Variants in SF3A1 observed in about 807,000 individuals in gnomAD.
The protein encoded by SF3A1 is SAP 114.
SF3A1 carries 13 observed loss-of-function variants against 89.9 expected under a neutral mutation model. That is an observed-to-expected ratio of 0.14 (90% CI 0.09 to 0.23). The LOEUF (loss-of-function observed/expected upper bound fraction) is 0.23, where lower values mean the gene tolerates loss of function less well. Among genes scored for constraint, SF3A1 ranks in the 10% least tolerant of loss-of-function variants. The probability of loss-of-function intolerance (pLI) is 1.00; values close to 1 mark genes in which losing one functional copy is unlikely to be tolerated. For missense variants in SF3A1, 604 were observed against 1,022.1 expected (o/e 0.59, Z 5.58); for synonymous variants, 405 against 374.4 (o/e 1.08, Z -0.94).
At chr22:30,342,108 G>C (rs1451076157) in intron 6 of SF3A1, 92 bp downstream of exon 6, 1 of 1,460,034 alleles carries the variant, frequency 6.8e-7, no homozygotes, top group African/African-American at 1.4e-5. Flanking sequence ...CCCTCTGAGA[G>C]ATTCTACTGC....
At position 30,356,802 on chromosome 22, in the gene SF3A1, G is replaced by C; in HGVS notation, c.-10C>G. ...CGGGTCCGGCCGGCATGACTGCGACGCTCAGGGCTGCCAGTCCGCCTCGGT... is the reference window on the plus strand; with the variant it reads ...CGGGTCCGGCCGGCATGACTGCGACCCTCAGGGCTGCCAGTCCGCCTCGGT... On this transcript the variant is annotated 5_prime_UTR_variant, in exon 1 of 16. Transcript: ENST00000215793. 2 of 1,375,526 alleles carry C rather than the reference G, an allele frequency of 1.5e-6. No individual in the cohort carries two copies. Among genetic ancestry groups the C allele is most frequent in the Non-Finnish European group, 1.9e-6 (2 of 1,054,934 alleles). 85.2% of individuals were successfully genotyped at this position (1,375,526 alleles called of 1,614,324 possible).
rs766831121 is a variant in SF3A1 at position 30,337,106 on chromosome 22, T to C, written c.2026A>G (p.Met676Val). Reference protein sequence around the residue: ...PMPPVHPPPPMEDEPTSKKLK... With the variant: ...PMPPVHPPPPVEDEPTSKKLK... ...TTTTTGGAGGTGGGCTCATCTTCCA[T>C]GGGAGGTGGGGGATGCACAGGGGGC... The change falls in exon 13 of 16, where the codon ATG becomes GTG. Residue 676 changes from methionine (M) to valine (V), a missense_variant. This residue lies in a region of SF3A1 where 45 missense variants were observed against 41.1 expected (regional missense o/e 1.09). Coordinates refer to ENST00000215793, the MANE Select transcript of SF3A1 (RefSeq NM_005877.6). 6 of 1,613,658 alleles carry C rather than the reference T, an allele frequency of 3.7e-6. No homozygotes were observed. The highest frequency in any genetic ancestry group is 1.1e-5 in the South Asian group (1 of 91,078).
In SF3A1 at chr22:30,346,333, G is replaced by A. The variant is rs955005582; in HGVS notation, c.372C>T (p.Thr124=). 1.2e-6 allele frequency: 2 copies of A among 1,612,830 alleles called. No homozygotes were observed. Among genetic ancestry groups the A allele is most frequent in the Non-Finnish European group, 1.7e-6 (2 of 1,178,882 alleles). The change falls in exon 3 of 16, where the codon ACC becomes ACT. Residue 124 remains threonine, a synonymous_variant. Coordinates refer to ENST00000215793, the MANE Select transcript of SF3A1 (RefSeq NM_005877.6). ...AAACCTTCTGGGGCAGCTGCTGCTGGGTGGTCTGCTGCTGCTGCTGCATGA... is the reference window on the plus strand; with the variant it reads ...AAACCTTCTGGGGCAGCTGCTGCTGAGTGGTCTGCTGCTGCTGCTGCATGA... ...PKVMQQQQQT[T]QQQLPQKVQA...
At chr22:30,350,214 T>C (rs1021209591) in intron 2 of SF3A1, among the ~76,000 whole-genome samples, 1 of 151,740 alleles carries the variant, frequency 6.6e-6, no homozygotes, top group African/African-American at 2.4e-5. Context: ...CCCAGCCACC[T>C]TGTGGTGGCT....
chr22:30,332,401 C>T lies in SF3A1; in HGVS notation c.*2193G>A, dbSNP rs553725300. On this transcript the variant is annotated 3_prime_UTR_variant, in exon 16 of 16. Coordinates refer to ENST00000215793, the MANE Select transcript of SF3A1 (RefSeq NM_005877.6). ...TTTCCCAGCAGTCCTGCAACAGGAG[C>T]ACTTATTCCTATTTCATAGTGTGGT... is the stretch of plus-strand genomic sequence containing the variant. The T allele has an allele frequency of 1.3e-5, 2 of 152,338 alleles. No homozygotes were observed. The highest frequency in any genetic ancestry group is 4.1e-4 in the South Asian group (2 of 4,826). The allele number at this position is 152,338 out of a possible 1,614,324, so 9.4% of individuals were successfully genotyped here.
chr22:30,337,855 C>T lies in SF3A1; in HGVS notation c.1786G>A (p.Val596Ile), dbSNP rs1931121391. The T allele has an allele frequency of 1.2e-6, 2 of 1,608,670 alleles. No homozygotes were observed. The highest frequency in any genetic ancestry group is 1.7e-6 in the Non-Finnish European group (2 of 1,178,456). Residue 596 changes from valine to isoleucine, a missense_variant, in exon 12 of 16, where the codon GTC becomes ATC. Val to Ile is a conservative substitution (Grantham distance 29). Coordinates refer to ENST00000215793, the MANE Select transcript of SF3A1 (RefSeq NM_005877.6). ...GATGCCATTGGGGGCCGGGGCATGA[C>T]GGGTACTGCGGAGACAACTGTAGTA... ...VRTTVVSAVP[V>I]MPRPPMASVV...
At chr22:30,339,315 A>T in intron 9 of SF3A1, 64 bp from the exon 10 acceptor site, 1 of 1,598,144 alleles carries the variant, frequency 6.3e-7, no homozygotes, top group Middle Eastern at 1.8e-4. Flanking sequence ...TCCTGACAAG[A>T]GAGCAGCTTT....
In SF3A1 at chr22:30,356,853, C is replaced by A; in HGVS notation, c.-61G>T. On this transcript the variant is annotated 5_prime_UTR_variant, in exon 1 of 16. Transcript: ENST00000215793. ...GTCGGTGAGCGGTGCCGCCTCAAGA[C>A]AGCCTCCCCGCTCGGTCAGTACGAC... The A allele has an allele frequency of 7.9e-7, 1 of 1,257,918 alleles. No homozygotes were observed. The highest frequency in any genetic ancestry group is 2.7e-4 in the Middle Eastern group (1 of 3,692). 77.9% of individuals were successfully genotyped at this position (1,257,918 alleles called of 1,614,324 possible).
chr22:30,335,674 A>G lies in SF3A1; in HGVS notation c.2186T>C (p.Phe729Ser). 6.2e-7 allele frequency: 1 copy of G among 1,614,184 alleles called. No individual in the cohort carries two copies. Among genetic ancestry groups the G allele is most frequent in the Non-Finnish European group, 8.5e-7 (1 of 1,180,018 alleles). Reference sequence around the variant, plus strand: ...TACCTGGTCCGTGAGTGGGAGGGTGAAGACCAGCACCTGCCCATTCAGTTT... The same window carrying G: ...TACCTGGTCCGTGAGTGGGAGGGTGGAGACCAGCACCTGCCCATTCAGTTT... ...EWKLNGQVLV[F>S]TLPLTDQVSV... The change falls in exon 14 of 16, where the codon TTC (phenylalanine) becomes TCC (serine). Residue 729 changes from phenylalanine to serine, a missense_variant. By Grantham distance (155) the Phe-to-Ser change is radical. This residue lies in a region of SF3A1 where 74 missense variants were observed against 141.3 expected (regional missense o/e 0.52). Coordinates refer to ENST00000215793, the MANE Select transcript of SF3A1 (RefSeq NM_005877.6).
Position 30,332,268 on chromosome 22 carries a change from T to G in SF3A1, c.*2326A>C, listed in dbSNP as rs1374266952. Reference sequence around the variant, plus strand: ...CCTCTAAGAGTACATGACAAGTACTTAAGTAGTGGGTAGAACTGAAAGTGA... The same window carrying G: ...CCTCTAAGAGTACATGACAAGTACTGAAGTAGTGGGTAGAACTGAAAGTGA... On this transcript the variant is annotated 3_prime_UTR_variant, in exon 16 of 16. Coordinates refer to ENST00000215793, the MANE Select transcript of SF3A1 (RefSeq NM_005877.6). 1 of 152,216 alleles carries G rather than the reference T, an allele frequency of 6.6e-6. No homozygotes were observed. Among genetic ancestry groups the G allele is most frequent in the Non-Finnish European group, 1.5e-5 (1 of 68,044 alleles). 9.4% of individuals were successfully genotyped at this position (152,216 alleles called of 1,614,324 possible). A position where few individuals can be genotyped will look rare whatever the true frequency, so the allele number is the denominator to read the frequency against.
chr22:30,355,491 T>C (rs1445157461), intron 1 of SF3A1, among the ~76,000 whole-genome samples: 2 of 152,188 alleles, frequency 1.3e-5, no homozygotes, highest in African/African-American at 4.8e-5. Flanking sequence ...CCTCCCCTCA[T>C]AGTGATTCTC....
chr22:30,352,036 G>A (rs1359053331), intron 2 of SF3A1, among the ~76,000 whole-genome samples: 2 of 152,126 alleles, frequency 1.3e-5, no homozygotes, highest in Non-Finnish European at 1.5e-5. Flanking sequence ...TTCCATCTGA[G>A]GTGGCGGCTA....
At chr22:30,348,204 A>G (rs756904028) in intron 2 of SF3A1, among the ~76,000 whole-genome samples, 4 of 152,190 alleles carry the variant, frequency 2.6e-5, no homozygotes, top group Non-Finnish European at 4.4e-5. Flanking sequence ...TTCCATAAAC[A>G]TTGTCTGTGG....
At position 30,337,089 on chromosome 22, in the gene SF3A1, G is replaced by C. The variant is rs1045398241; in HGVS notation, c.2043C>G (p.Thr681=). ...HPPPPMEDEP[T]SKKLKTEDSL... ...TGTCCTCTGTCTTCAGTTTTTTGGA[G>C]GTGGGCTCATCTTCCATGGGAGGTG... Residue 681 remains threonine, a synonymous_variant, in exon 13 of 16, where the codon ACC becomes ACG. Transcript: ENST00000215793. 6.2e-7 allele frequency: 1 copy of C among 1,614,200 alleles called. No individual in the cohort carries two copies. The highest frequency in any genetic ancestry group is 1.7e-5 in the Admixed American group (1 of 60,022).
chr22:30,354,341 A>C (rs575806860), intron 1 of SF3A1, among the ~76,000 whole-genome samples: 1 of 152,324 alleles, frequency 6.6e-6, no homozygotes, highest in Admixed American at 6.5e-5. Context: ...TGACAAAGTC[A>C]AAAACAACTG....
chr22:30,341,092 G>A (rs1239620600), intron 7 of SF3A1, among the ~76,000 whole-genome samples: 1 of 152,064 alleles, frequency 6.6e-6, no homozygotes, highest in Non-Finnish European at 1.5e-5. Flanking sequence ...AACATGCCGG[G>A]GGGGGACAGT....
At position 30,346,655 on chromosome 22, in the gene SF3A1, C is replaced by T. The variant is rs1931431124; in HGVS notation, c.186-136G>A. 5.5e-6 allele frequency: 5 copies of T among 908,668 alleles called. No individual in the cohort carries two copies. In the African/African-American group the frequency reaches 6.7e-5, roughly 12 times the overall value. 56.3% of individuals were successfully genotyped at this position (908,668 alleles called of 1,614,324 possible). The stretch of plus-strand genomic sequence containing the variant: ...CCCATCCCTCAGCAGACGTCCTCCT[C>T]TAGCTTCCTGGCATTGGCGATCAGT... On this transcript the variant is annotated intron_variant, in intron 2 of 15. Transcript: ENST00000215793.
chr22:30,335,985 G>A (rs1339864523), intron 13 of SF3A1, among the ~76,000 whole-genome samples: 1 of 152,176 alleles, frequency 6.6e-6, no homozygotes, highest in African/African-American at 2.4e-5. Context: ...TGAGTCTGGA[G>A]CTAAACTGAA....
chr22:30,343,141 T>C (rs552132773), intron 4 of SF3A1, among the ~76,000 whole-genome samples: 1 of 152,296 alleles, frequency 6.6e-6, no homozygotes, highest in African/African-American at 2.4e-5. Context: ...CAGGAAAGCA[T>C]GCAAAGCACT....
Sources: allele counts gnomAD v4.1 joint callset (sites outside exome capture counted in the v4.1 genomes callset), GRCh38; gene constraint gnomAD v4.1.1; regional missense constraint gnomAD v4.1.1; transcripts MANE v1.5; gene names NCBI Gene and HGNC (gene_info 2026-07-23, HGNC 2026-07-21).